Variants in BTBD2 observed in about 807,000 individuals in gnomAD.
BTBD2 encodes the protein BTB domain containing 2, also known as BTB/POZ domain-containing protein 2.
Under a neutral mutation model 44.0 loss-of-function variants are expected in BTBD2, and 15 were observed. The observed-to-expected ratio is 0.34, with a 90% CI of 0.23 to 0.53. BTBD2 has a LOEUF of 0.53. Ranked by LOEUF, BTBD2 falls within the 20% of genes least tolerant of loss-of-function variation. The pLI is 0.95. For missense variants in BTBD2, 657 were observed against 746.4 expected (o/e 0.88, Z 1.39); for synonymous variants, 443 against 335.9 (o/e 1.32, Z -3.49).
At chr19:1,997,522 G>A in intron 1 of BTBD2, 59 bp from the exon 2 acceptor site, 8 of 1,602,974 alleles carry the variant, frequency 5.0e-6, no homozygotes, top group Non-Finnish European at 6.8e-6. Context: ...ACGGCCGGGA[G>A]GGCCAGCCCG....
chr19:2,006,520 A>G (rs1568221797), intron 1 of BTBD2, among the ~76,000 whole-genome samples: 1 of 147,700 alleles, frequency 6.8e-6, no homozygotes, highest in Non-Finnish European at 1.5e-5. Context: ...AAAAAAAAAA[A>G]AGAAAAGAAA....
intron 1 of BTBD2, chr19:2,013,620 G>A (rs2016495177): frequency 3.0e-6 from 3 of 988,534 alleles, no homozygotes; most frequent in South Asian, 9.3e-5. Flanking sequence ...GTGGGAGGTG[G>A]CAGGGCCCAG....
intron 5 of BTBD2, 60 bp downstream of exon 5, chr19:1,989,944 A>G: frequency 6.3e-7 from 1 of 1,582,870 alleles, no homozygotes; most frequent in African/African-American, 1.3e-5. Context: ...CTCGGTACCC[A>G]GATGCCCACC....
At chr19:2,002,069 ATTTTT>A (rs1397832662) in intron 1 of BTBD2, among the ~76,000 whole-genome samples, 1 of 151,712 alleles carries the variant, frequency 6.6e-6, no homozygotes, top group Non-Finnish European at 1.5e-5. Flanking sequence ...TCTTTCATTT[ATTTTT>A]ATTTCATTTT....
chr19:1,990,909 A>G, intron 3 of BTBD2, 87 bp from the exon 4 acceptor site: 1 of 1,213,926 alleles, frequency 8.2e-7, no homozygotes, highest in Middle Eastern at 2.7e-4. Flanking sequence ...GTTCAAATGC[A>G]GCCCTGACCA....
intron 2 of BTBD2, among the ~76,000 whole-genome samples, chr19:1,995,947 G>C (rs2016246178): frequency 6.6e-6 from 1 of 152,084 alleles, no homozygotes; most frequent in Admixed American, 6.6e-5. Context: ...GAGCCACCGT[G>C]CCCAGCCTGG....
intron 1 of BTBD2, among the ~76,000 whole-genome samples, chr19:2,008,202 C>G (rs2016418692): frequency 6.6e-6 from 1 of 151,936 alleles, no homozygotes. Context: ...CAAGGTTTCA[C>G]TATGTTTGCC....
intron 1 of BTBD2, among the ~76,000 whole-genome samples, chr19:2,005,652 G>A (rs116133619): frequency 0.013 from 1,956 of 151,774 alleles, 31 homozygotes; most frequent in African/African-American, 0.044. Flanking sequence ...TGCAGTGGCC[G>A]GAGCCTGTAA....
chr19:1,992,432 GTC>G (rs555640204), intron 3 of BTBD2, among the ~76,000 whole-genome samples: 58 of 151,988 alleles, frequency 3.8e-4, no homozygotes, highest in African/African-American at 1.3e-3. Context: ...TAGAAACGGG[GTC>G]TCTCTATGTT....
chr19:1,986,481 G>A lies in BTBD2; in HGVS notation c.*7C>T, dbSNP rs576027028. The A allele has an allele frequency of 6.6e-4, 1,062 of 1,611,834 alleles. 19 individuals are homozygous for A. In the South Asian group the frequency reaches 0.01, roughly 16 times the overall value. Reference sequence around the variant, plus strand: ...ACGGAGGGAGGGCGGTGTCGGTGTCGGGCAGCCTAGGTGTAGAAGATGACC... The same window carrying A: ...ACGGAGGGAGGGCGGTGTCGGTGTCAGGCAGCCTAGGTGTAGAAGATGACC... On this transcript the variant is annotated 3_prime_UTR_variant, in exon 9 of 9. Transcript: ENST00000255608.
At chr19:1,997,533 G>A in intron 1 of BTBD2, 70 bp from the exon 2 acceptor site, 2 of 1,593,334 alleles carry the variant, frequency 1.3e-6, no homozygotes, top group South Asian at 2.2e-5. Flanking sequence ...GGCCAGCCCG[G>A]TATCCTGGGT....
At chr19:2,004,814 A>G (rs2016374129) in intron 1 of BTBD2, among the ~76,000 whole-genome samples, 1 of 150,402 alleles carries the variant, frequency 6.6e-6, no homozygotes, top group East Asian at 2.0e-4. Flanking sequence ...CCCCATCTCT[A>G]CAAAAAAAAA....
In BTBD2 at chr19:1,986,300, CCAG is replaced by C; in HGVS notation, c.*185_*187del. ...TGGCCACCTCCCCGGCTGCCCTGAT[CCAG>C]CAGCCACACTCGTGGTGAACACAGG... On this transcript the variant is annotated 3_prime_UTR_variant, in exon 9 of 9. Coordinates refer to ENST00000255608, the MANE Select transcript of BTBD2 (RefSeq NM_017797.4). 1 of 708,968 alleles carries C rather than the reference CCAG, an allele frequency of 1.4e-6. No homozygotes were observed. Among genetic ancestry groups the C allele is most frequent in the East Asian group, 2.8e-5 (1 of 36,120 alleles). The allele number at this position is 708,968 out of a possible 1,614,324, so 43.9% of individuals were successfully genotyped here.
At chr19:2,000,009 G>A (rs1038886243) in intron 1 of BTBD2, among the ~76,000 whole-genome samples, 1 of 152,002 alleles carries the variant, frequency 6.6e-6, no homozygotes, top group Non-Finnish European at 1.5e-5. Flanking sequence ...GAAACAGAGT[G>A]GGCGGCCGCA....
intron 2 of BTBD2, 53 bp downstream of exon 2, chr19:1,997,291 A>ACAG (rs1568217921): frequency 3.1e-6 from 5 of 1,610,822 alleles, no homozygotes; most frequent in Non-Finnish European, 3.4e-6. Context: ...ACGTTCTCTG[A>ACAG]GGTCCCCCTC....
chr19:2,003,459 G>C (rs1005561698), intron 1 of BTBD2: 4 of 147,896 alleles, frequency 2.7e-5, no homozygotes, highest in African/African-American at 1.0e-4. Flanking sequence ...GGGCGACAGG[G>C]CAAGACTCCG....
Position 1,990,747 on chromosome 19 carries a change from T to C in BTBD2, c.760A>G (p.Thr254Ala), listed in dbSNP as rs1248919925. ...NIDKNTADAI[T>A]AEGFTDIDLD... ...TCAATGTCGGTGAAGCCCTCCGCGG[T>C]GATGGCGTCTGCAGTGTTTTTGTCG... The change falls in exon 4 of 9, where the codon ACC (threonine) becomes GCC (alanine). Residue 254 changes from threonine to alanine, a missense_variant. Physicochemically the swap from Thr to Ala is moderately conservative, Grantham distance 58 (BLOSUM62 0). Transcript: ENST00000255608. The C allele has an allele frequency of 1.2e-6, 2 of 1,603,094 alleles. No individual in the cohort carries two copies. The highest frequency in any genetic ancestry group is 1.7e-6 in the Non-Finnish European group (2 of 1,175,154).
At chr19:2,010,348 A>T (rs943904654) in intron 1 of BTBD2, among the ~76,000 whole-genome samples, 3 of 152,126 alleles carry the variant, frequency 2.0e-5, no homozygotes, top group Non-Finnish European at 2.9e-5. Flanking sequence ...GCTGAGATGG[A>T]CGGGTGCCCA....
At chr19:1,990,586 A>G (rs2016161518) in intron 4 of BTBD2, 131 bp downstream of exon 4, 1 of 861,720 alleles carries the variant, frequency 1.2e-6, no homozygotes, top group East Asian at 2.7e-5. Context: ...CAAACTCCTG[A>G]CCTGCTGCAA....
Sources: gnomAD v4.1 joint callset for allele counts (sites outside exome capture counted in the v4.1 genomes callset) on GRCh38, gnomAD v4.1.1 for gene constraint, MANE v1.5 for transcripts, NCBI Gene and HGNC (gene_info 2026-07-23, HGNC 2026-07-21) for gene names.